SLC8A1: variants seen among roughly 807,000 people sequenced by gnomAD.
SLC8A1 encodes solute carrier family 8 member A1, also known as sodium/calcium exchanger 1.
In SLC8A1, 18 loss-of-function variants were observed where a neutral mutation model predicts 68.3. The ratio of observed to expected loss-of-function variants is 0.26; its 90% CI spans 0.18 to 0.39. The LOEUF (loss-of-function observed/expected upper bound fraction) is 0.39, where lower values mean the gene tolerates loss of function less well. SLC8A1 is among the 10% of genes least tolerant of loss of function. The pLI, the probability that SLC8A1 is intolerant of heterozygous loss-of-function variation, is 1.00. For synonymous variants in SLC8A1, 475 were observed against 415.5 expected (o/e 1.14, Z -1.74); for missense variants, 985 against 1,156.7 (o/e 0.85, Z 2.15).
intron 2 of SLC8A1, among the ~76,000 whole-genome samples, chr2:40,210,485 T>C (rs897532003): frequency 1.3e-5 from 2 of 152,170 alleles, no homozygotes; most frequent in South Asian, 4.1e-4. Flanking sequence ...CCAAATCACA[T>C]TTGATTTCAA....
At chr2:40,402,080 G>A (rs1207736099) in intron 2 of SLC8A1, among the ~76,000 whole-genome samples, 2 of 152,178 alleles carry the variant, frequency 1.3e-5, no homozygotes, top group Non-Finnish European at 2.9e-5. Flanking sequence ...CTTAGTCACA[G>A]GACGCGATAC....
intron 1 of SLC8A1, among the ~76,000 whole-genome samples, chr2:40,497,840 A>C (rs1705808675): frequency 1.3e-5 from 2 of 152,066 alleles, no homozygotes; most frequent in Admixed American, 1.3e-4. Flanking sequence ...AAAGATTTTT[A>C]CCTGTGGGTG....
rs950950829 is a variant in SLC8A1, at chr2:40,363,650, A to T, written c.1808+64823T>A. Among the ~76,000 whole-genome samples, 3 of 152,262 alleles carry T rather than the reference A, an allele frequency of 2.0e-5. No individual in the cohort carries two copies. The East Asian group carries it at 5.8e-4, about 29-fold the overall frequency. On this transcript the variant is annotated intron_variant, in intron 2 of 7. Coordinates refer to ENST00000406785, the Ensembl canonical transcript of SLC8A1. ...TACCACAGACAATATGTTTCTTAAAATATGCATGCAAATAAGCCCATCAGA... is the reference window on the plus strand; with the variant it reads ...TACCACAGACAATATGTTTCTTAAATTATGCATGCAAATAAGCCCATCAGA...
chr2:40,192,100 T>A (rs2051982148), intron 2 of SLC8A1, among the ~76,000 whole-genome samples: 1 of 152,102 alleles, frequency 6.6e-6, no homozygotes. Context: ...ATAATTTATA[T>A]AAGAGATTTT....
chr2:40,279,845 C>G (rs183774588), intron 2 of SLC8A1, among the ~76,000 whole-genome samples: 133 of 152,318 alleles, frequency 8.7e-4, no homozygotes, highest in Admixed American at 4.3e-3. Flanking sequence ...CTGTAGCTCA[C>G]CAATCTCCTA....
In SLC8A1 at chr2:40,285,193, G is replaced by A. The variant is rs191592729; in HGVS notation, c.1809-107338C>T. ...GAGGAAATAGAAACCTGAGAAGATC[G>A]CAGTTAGAGACAGACAAAGTGGGAT... On this transcript the variant is annotated intron_variant, in intron 2 of 7. Coordinates refer to ENST00000406785, the Ensembl canonical transcript of SLC8A1. 3.4e-3 allele frequency among the ~76,000 whole-genome samples: 519 copies of A among 152,230 alleles called. 1 individual carries two copies. The highest frequency in any genetic ancestry group is 6.4e-3 in the Non-Finnish European group (435 of 68,004).
chr2:40,167,787 T>C (rs1300231724), intron 4 of SLC8A1, among the ~76,000 whole-genome samples: 2 of 152,204 alleles, frequency 1.3e-5, no homozygotes, highest in African/African-American at 2.4e-5. Flanking sequence ...TCTAACCTTA[T>C]ATTAATTCCT....
intron 2 of SLC8A1, among the ~76,000 whole-genome samples, chr2:40,244,742 C>T (rs960331993): frequency 6.6e-6 from 1 of 152,062 alleles, no homozygotes; most frequent in Non-Finnish European, 1.5e-5. Flanking sequence ...GAAGTGCTGC[C>T]CCAGTCAGCC....
intron 2 of SLC8A1, among the ~76,000 whole-genome samples, chr2:40,308,268 A>G (rs1320334248): frequency 6.6e-6 from 1 of 152,202 alleles, no homozygotes; most frequent in Non-Finnish European, 1.5e-5. Context: ...TTGGAGTGAT[A>G]TAAACTTAAT....
At chr2:40,204,628 T>C (rs2055034843) in intron 2 of SLC8A1, among the ~76,000 whole-genome samples, 1 of 151,990 alleles carries the variant, frequency 6.6e-6, no homozygotes, top group Non-Finnish European at 1.5e-5. Flanking sequence ...CAGAGCAGAC[T>C]AGAGAAACTT....
chr2:40,228,031 G>A (rs1178852950), intron 2 of SLC8A1, among the ~76,000 whole-genome samples: 2 of 152,046 alleles, frequency 1.3e-5, no homozygotes, highest in Admixed American at 1.3e-4. Context: ...TTCATAACGT[G>A]GGCTTAAATT....
At chr2:40,427,184 C>T (rs1697096010) in intron 2 of SLC8A1, among the ~76,000 whole-genome samples, 1 of 151,998 alleles carries the variant, frequency 6.6e-6, no homozygotes, top group Admixed American at 6.6e-5. Context: ...CACTACTTAT[C>T]ACTATAGTAT....
At chr2:40,289,782 A>T (rs1295026116) in intron 2 of SLC8A1, among the ~76,000 whole-genome samples, 1 of 151,944 alleles carries the variant, frequency 6.6e-6, no homozygotes, top group African/African-American at 2.4e-5. Context: ...AATTGCTTGA[A>T]CTTAGGAGGT....
intron 1 of SLC8A1, among the ~76,000 whole-genome samples, chr2:40,507,712 C>G (rs1706457619): frequency 6.6e-6 from 1 of 151,886 alleles, no homozygotes; most frequent in Non-Finnish European, 1.5e-5. Flanking sequence ...TCAGTGTTTC[C>G]ATCTGTAAAA....
In SLC8A1 at chr2:40,236,296, C is replaced by T. The variant is rs1036300085; in HGVS notation, c.1809-58441G>A. 4.1e-3 allele frequency among the ~76,000 whole-genome samples: 621 copies of T among 151,810 alleles called. 5 individuals are homozygous for T. Among genetic ancestry groups the T allele is most frequent in the African/African-American group, 0.014 (580 of 41,444 alleles). On this transcript the variant is annotated intron_variant, in intron 2 of 7. Transcript: ENST00000406785. ...AATCTGGGTGCTCCTGTATTGGGTG[C>T]ATATATATTTAGGATAGTTAGCTCT...
chr2:40,398,078 T>C (rs1687552864), intron 2 of SLC8A1, among the ~76,000 whole-genome samples: 1 of 152,254 alleles, frequency 6.6e-6, no homozygotes, highest in Non-Finnish European at 1.5e-5. Context: ...TCTGCAGTTA[T>C]TGAAAGAAAG....
intron 2 of SLC8A1, among the ~76,000 whole-genome samples, chr2:40,353,595 C>T (rs544618913): frequency 5.3e-5 from 8 of 152,154 alleles, no homozygotes; most frequent in East Asian, 1.9e-4. Context: ...TGAGAACTGT[C>T]GACTGTGGTA....
intron 2 of SLC8A1, among the ~76,000 whole-genome samples, chr2:40,262,812 A>G (rs2064880120): frequency 1.3e-5 from 2 of 152,194 alleles, no homozygotes; most frequent in African/African-American, 4.8e-5. Context: ...TACAGATATT[A>G]TATGAGAGAG....
At chr2:40,200,173 GATATATATATATATATATTTAT>G (rs1420294461) in intron 2 of SLC8A1, among the ~76,000 whole-genome samples, 1 of 4,752 alleles carries the variant, frequency 2.1e-4, no homozygotes, top group Non-Finnish European at 7.8e-4. Flanking sequence ...TCAAGTCATT[GATATATATATATATATATTTAT>G]ATATATATAT....
Sources: gnomAD v4.1 joint callset for allele counts (sites outside exome capture counted in the v4.1 genomes callset) on GRCh38, gnomAD v4.1.1 for gene constraint, MANE v1.5 for transcripts, NCBI Gene and HGNC (gene_info 2026-07-23, HGNC 2026-07-21) for gene names.